APBA2: variants seen among roughly 807,000 people sequenced by gnomAD.
APBA2 encodes amyloid-beta A4 precursor protein-binding family A member 2.
Under a neutral mutation model 75.0 loss-of-function variants are expected in APBA2, and 30 were observed. The ratio of observed to expected loss-of-function variants is 0.40; its 90% CI spans 0.30 to 0.54. The LOEUF (loss-of-function observed/expected upper bound fraction) is 0.54. APBA2 is among the 20% of genes least tolerant of loss of function. APBA2 has a pLI of 0.49. For synonymous variants in APBA2, 444 were observed against 409.6 expected, an observed-to-expected ratio of 1.08 and a Z score of -1.01; for missense variants, 801 against 1,016.1, an observed-to-expected ratio of 0.79 and a Z score of 2.88.
chr15:29,045,823 G>T (rs2041298382), intron 3 of APBA2, among the ~76,000 whole-genome samples: 1 of 152,146 alleles, frequency 6.6e-6, no homozygotes. Context: ...TGTAGTCCTT[G>T]TTGCTGGGAA....
intron 2 of APBA2, among the ~76,000 whole-genome samples, chr15:28,940,501 C>T (rs941211103): frequency 1.3e-5 from 2 of 149,388 alleles, no homozygotes; most frequent in African/African-American, 2.5e-5. Flanking sequence ...TGCAGTGAGC[C>T]GAGATCACGC....
At chr15:28,912,999 G>T (rs2033501865) in intron 1 of APBA2, among the ~76,000 whole-genome samples, 1 of 152,230 alleles carries the variant, frequency 6.6e-6, no homozygotes, top group Non-Finnish European at 1.5e-5. Context: ...CAAGGAGCTT[G>T]CATTCTAGTA....
Position 28,987,855 on chromosome 15 carries a change from C to A in APBA2, c.-94-7898C>A, listed in dbSNP as rs375368278. Among the ~76,000 whole-genome samples, 776 of 150,022 alleles carry A rather than the reference C, an allele frequency of 5.2e-3. 6 individuals carry two copies. Among genetic ancestry groups the A allele is most frequent in the South Asian group, 0.032 (148 of 4,680 alleles). On this transcript the variant is annotated intron_variant, in intron 2 of 14. Coordinates refer to ENST00000683413, the MANE Select transcript of APBA2 (RefSeq NM_001353788.2). ...CACCGCAACCTCCGCCTGCCAGGTT[C>A]AAGTGATTCTTCTGCCTCAGCCTCC...
rs1370095009 is a variant in APBA2, at chr15:29,101,628, C to T, written c.1368C>T (p.Thr456=). ...CCATGATGGACCACGCCTTGCGTACCATCTCCTACATCGCCGACATTGGGA... is the reference window on the plus strand; with the variant it reads ...CCATGATGGACCACGCCTTGCGTACTATCTCCTACATCGCCGACATTGGGA... ...QETMMDHALR[T]ISYIADIGNI... The change falls in exon 10 of 15, where the codon ACC becomes ACT. Residue 456 remains threonine, a synonymous_variant. Transcript: ENST00000683413. 6.2e-7 allele frequency: 1 copy of T among 1,613,502 alleles called. No homozygotes were observed. The highest frequency in any genetic ancestry group is 8.5e-7 in the Non-Finnish European group (1 of 1,179,984).
intron 4 of APBA2, among the ~76,000 whole-genome samples, chr15:29,063,995 C>T (rs1490955146): frequency 1.3e-5 from 2 of 152,102 alleles, no homozygotes; most frequent in Non-Finnish European, 2.9e-5. Context: ...TCTGCAGGGC[C>T]CTCCTGAATG....
rs565270333 is a variant in APBA2, at chr15:29,058,926, C to T, written c.951+4091C>T. The stretch of plus-strand genomic sequence containing the variant: ...ACCTAGGTCAGGATTTCCCAAAACA[C>T]GCTCTTAGAGGTGTTGTGTAAACAA... On this transcript the variant is annotated intron_variant, in intron 4 of 14. Coordinates refer to ENST00000683413, the MANE Select transcript of APBA2 (RefSeq NM_001353788.2). Among the ~76,000 whole-genome samples the T allele has an allele frequency of 9.8e-5, 15 of 152,350 alleles. No individual in the cohort carries two copies. In the South Asian group the frequency reaches 1.7e-3, roughly 17 times the overall value.
rs1310433316 is a variant in APBA2 at position 28,980,218 on chromosome 15, G to A, written c.-94-15535G>A. Among the ~76,000 whole-genome samples the A allele has an allele frequency of 3.3e-5, 5 of 152,144 alleles. No individual in the cohort carries two copies. The South Asian group carries it at 6.2e-4, about 19-fold the overall frequency. ...GTTTGGTCATGTAAGATTTGAAAAA[G>A]TGAACCTTCCTGAGCCAGAGCAATC... On this transcript the variant is annotated intron_variant, in intron 2 of 14. Transcript: ENST00000683413.
At chr15:28,965,135 G>C (rs1408785934) in intron 2 of APBA2, among the ~76,000 whole-genome samples, 2 of 151,690 alleles carry the variant, frequency 1.3e-5, no homozygotes, top group Non-Finnish European at 2.9e-5. Flanking sequence ...TTTTGCGTTA[G>C]TTTTTGTATA....
At chr15:28,892,017 G>T (rs1429869345) in intron 1 of APBA2, among the ~76,000 whole-genome samples, 2 of 152,156 alleles carry the variant, frequency 1.3e-5, no homozygotes, top group Admixed American at 1.3e-4. Flanking sequence ...GAAATTTCCA[G>T]TCTTGCAAGC....
intron 5 of APBA2, 65 bp downstream of exon 5, chr15:29,075,066 G>C: frequency 8.5e-7 from 1 of 1,177,382 alleles, no homozygotes; most frequent in South Asian, 1.3e-5. Context: ...GTGGCCCACC[G>C]AGTTGTGGTC....
chr15:29,013,446 AT>A lies in APBA2; in HGVS notation c.-41+17646del, dbSNP rs545243234. Among the ~76,000 whole-genome samples the A allele has an allele frequency of 4.1e-4, 63 of 151,926 alleles. 5 individuals carry two copies. The South Asian group carries it at 0.013, about 30-fold the overall frequency. ...AGGCGCCCGCCACCGCGCCTGGCCA[AT>A]TTTTTGTATTTTTTAAGTAGAGACG... On this transcript the variant is annotated intron_variant, in intron 3 of 14. Coordinates refer to ENST00000683413, the MANE Select transcript of APBA2 (RefSeq NM_001353788.2).
chr15:28,913,047 G>A (rs1188971062), intron 1 of APBA2, among the ~76,000 whole-genome samples: 1 of 152,232 alleles, frequency 6.6e-6, no homozygotes, highest in African/African-American at 2.4e-5. Flanking sequence ...ATCTGGGACA[G>A]GGACCATTGC....
chr15:29,075,953 T>G lies in APBA2; in HGVS notation c.1033-102T>G, dbSNP rs1251261188. ...ACACCATCACTCATGGGGGGTTTGC[T>G]TTTCTCATTATGGCTCATATCACAG... On this transcript the variant is annotated intron_variant, in intron 5 of 14. Coordinates refer to ENST00000683413, the MANE Select transcript of APBA2 (RefSeq NM_001353788.2). 1.3e-5 allele frequency: 14 copies of G among 1,092,886 alleles called. No individual in the cohort carries two copies. The African/African-American group carries it at 1.8e-4, about 14-fold the overall frequency. 67.7% of individuals were successfully genotyped at this position (1,092,886 alleles called of 1,614,324 possible).
intron 3 of APBA2, among the ~76,000 whole-genome samples, chr15:29,052,454 C>CAAAAAAAAAAAAAAAAAAAA (rs61521872): frequency 9.7e-5 from 10 of 103,158 alleles, no homozygotes; most frequent in African/African-American, 4.7e-4. Context: ...GACTCCATCT[C>CAAAAAAAAAAAAAAAAAAAA]AAAAAAAAAA....
At chr15:28,975,045 A>C (rs1028719035) in intron 2 of APBA2, among the ~76,000 whole-genome samples, 3 of 152,322 alleles carry the variant, frequency 2.0e-5, no homozygotes, top group African/African-American at 7.2e-5. Context: ...ACAACACAGA[A>C]TAAGAAATGA....
chr15:28,892,229 C>G (rs548294567), intron 1 of APBA2, among the ~76,000 whole-genome samples: 75 of 152,310 alleles, frequency 4.9e-4, no homozygotes, highest in African/African-American at 1.7e-3. Flanking sequence ...CACCTGCCAC[C>G]ACGCCTGGTT....
At chr15:29,100,905 AT>A (rs1227079473) in intron 9 of APBA2, among the ~76,000 whole-genome samples, 1 of 152,202 alleles carries the variant, frequency 6.6e-6, no homozygotes, top group Non-Finnish European at 1.5e-5. Context: ...TGCACAGTCC[AT>A]TTTGGAAGCT....
intron 2 of APBA2, among the ~76,000 whole-genome samples, chr15:28,936,087 C>G (rs2034851154): frequency 6.6e-6 from 1 of 152,140 alleles, no homozygotes; most frequent in Non-Finnish European, 1.5e-5. Flanking sequence ...GTTTTCCAAT[C>G]TAGTAGAAAA....
intron 2 of APBA2, among the ~76,000 whole-genome samples, chr15:28,934,787 G>A (rs1035019560): frequency 6.6e-6 from 1 of 152,190 alleles, no homozygotes; most frequent in African/African-American, 2.4e-5. Context: ...GATGGGCTAT[G>A]GCCCACATGG....
Sources: allele counts gnomAD v4.1 joint callset (sites outside exome capture counted in the v4.1 genomes callset), GRCh38; gene constraint gnomAD v4.1.1; transcripts MANE v1.5; gene names NCBI Gene and HGNC (gene_info 2026-07-23, HGNC 2026-07-21).